CUX1: variants seen among roughly 807,000 people sequenced by gnomAD.
CUX1 encodes protein CASP.
A neutral mutation model predicts 158.8 loss-of-function variants in CUX1; 31 were observed. The observed-to-expected ratio is 0.20, with a 90% CI of 0.15 to 0.26. The LOEUF (loss-of-function observed/expected upper bound fraction) is 0.26, where lower values mean the gene tolerates loss of function less well. Ranked by LOEUF, CUX1 falls within the 10% of genes least tolerant of loss-of-function variation. The probability of loss-of-function intolerance (pLI) is 1.00; values close to 1 mark genes in which losing one functional copy is unlikely to be tolerated. For missense variants in CUX1, 1,589 were observed against 2,014.6 expected, an observed-to-expected ratio of 0.79 and a Z score of 4.04; for synonymous variants, 879 against 862.1, an observed-to-expected ratio of 1.02 and a Z score of -0.34.
In CUX1 at chr7:102,277,939, C is replaced by T. The variant is rs1586531608; in HGVS notation, c.1564-10C>T. The T allele has an allele frequency of 5.3e-6, 7 of 1,319,052 alleles. 1 individual carries two copies. The South Asian group carries it at 5.6e-5, about 10-fold the overall frequency. The allele number at this position is 1,319,052 out of a possible 1,614,324, so 81.7% of individuals were successfully genotyped here. A position where few individuals can be genotyped will look rare whatever the true frequency, so the allele number is the denominator to read the frequency against. On this transcript the variant is annotated splice_polypyrimidine_tract_variant and intron_variant, in intron 17 of 22. Coordinates refer to the CUX1 transcript ENST00000292538. ...CTCCCCCACCCCTTTCCTTGCCCCT[C>T]CCCCCCCAGGAGAACCGCCTGGCCC...
chr7:102,266,693 A>G (rs993545715), intron 14 of CUX1, among the ~76,000 whole-genome samples: 5 of 152,048 alleles, frequency 3.3e-5, no homozygotes, highest in Non-Finnish European at 7.3e-5. Context: ...CCGGGGAAGG[A>G]GGCCCAGGAG....
intron 1 of CUX1, among the ~76,000 whole-genome samples, chr7:101,843,973 A>C (rs1285302981): frequency 2.0e-5 from 3 of 152,222 alleles, no homozygotes; most frequent in Non-Finnish European, 4.4e-5. Flanking sequence ...TCACACACTT[A>C]GTCTGAGTTC....
intron 1 of CUX1, among the ~76,000 whole-genome samples, chr7:101,851,380 A>T (rs1456042268): frequency 6.7e-6 from 1 of 148,444 alleles, no homozygotes; most frequent in African/African-American, 2.5e-5. Flanking sequence ...ATTCCTCATC[A>T]TCTCGGGGGC....
chr7:102,103,147 C>T (rs1296274692), intron 5 of CUX1, among the ~76,000 whole-genome samples: 1 of 152,122 alleles, frequency 6.6e-6, no homozygotes, highest in Non-Finnish European at 1.5e-5. Flanking sequence ...TTGGTGCTCA[C>T]ACCTCACTCT....
At chr7:102,236,763 G>A (rs1688061369) in intron 22 of CUX1, among the ~76,000 whole-genome samples, 1 of 152,162 alleles carries the variant, frequency 6.6e-6, no homozygotes, top group Non-Finnish European at 1.5e-5. Flanking sequence ...CCAACTCCCT[G>A]CTGTGTTTCT....
At chr7:102,058,261 C>T (rs746423687) in intron 3 of CUX1, among the ~76,000 whole-genome samples, 18 of 152,004 alleles carry the variant, frequency 1.2e-4, no homozygotes, top group Non-Finnish European at 2.5e-4. Context: ...GCAATATTTG[C>T]TCTTTTTGTC....
chr7:102,263,752 G>C (rs1227737975), intron 14 of CUX1, among the ~76,000 whole-genome samples: 1 of 151,356 alleles, frequency 6.6e-6, no homozygotes, highest in African/African-American at 2.4e-5. Context: ...GAGTGCAGTG[G>C]TGCGATCTCA....
In CUX1 at chr7:102,115,550, C is replaced by T. The variant is rs183843493; in HGVS notation, c.674+277C>T. The T allele has an allele frequency of 7.2e-5, 24 of 334,692 alleles. No homozygotes were observed. In the East Asian group the frequency reaches 1.2e-3, roughly 17 times the overall value. 20.7% of individuals were successfully genotyped at this position (334,692 alleles called of 1,614,324 possible). On this transcript the variant is annotated intron_variant, in intron 8 of 23. Transcript: ENST00000292535. ...TTTATATAAGATGTGACACATGGGA[C>T]ATTTTTTGTGTGGAGTTGAGTCTGG...
chr7:101,924,147 A>G (rs1805309262), intron 2 of CUX1, among the ~76,000 whole-genome samples: 1 of 151,946 alleles, frequency 6.6e-6, no homozygotes, highest in African/African-American at 2.4e-5. Flanking sequence ...ACCTGATGCT[A>G]TCTCTGCCAT....
chr7:101,895,571 C>T (rs766363005), intron 1 of CUX1, among the ~76,000 whole-genome samples: 5 of 152,136 alleles, frequency 3.3e-5, no homozygotes, highest in African/African-American at 7.2e-5. Context: ...TAAGCTTTGC[C>T]GGTGTCTGTC....
chr7:102,248,726 C>A lies in CUX1; in HGVS notation c.4202C>A (p.Pro1401His). The A allele has an allele frequency of 8.9e-7, 1 of 1,124,952 alleles. No homozygotes were observed. The highest frequency in any genetic ancestry group is 1.1e-6 in the Non-Finnish European group (1 of 918,410). 69.7% of individuals were successfully genotyped at this position (1,124,952 alleles called of 1,614,324 possible). A position where few individuals can be genotyped will look rare whatever the true frequency, so the allele number is the denominator to read the frequency against. The change falls in exon 24 of 24, where the codon CCC (proline) becomes CAC (histidine). Residue 1401 changes from proline (P) to histidine (H), a missense_variant. By Grantham distance (77) the Pro-to-His change is moderately conservative. This residue lies in a region of CUX1 where 344 missense variants were observed against 323.7 expected (regional missense o/e 1.06). Coordinates refer to ENST00000292535, the MANE Select transcript of CUX1 (RefSeq NM_181552.4). This position sits in a 1 kb window ranked among gnomAD's most constrained non-coding sequence, Gnocchi z 5.8. ...GGAGGCCCCGTGGAAGGCCCGGGGC[C>A]CCTGCCCAGCCCCGCCTCCGCGACC... Reference protein sequence around the residue: ...HEGGPVEGPGPLPSPASATAT... With the variant: ...HEGGPVEGPGHLPSPASATAT...
chr7:101,926,370 A>G (rs1229691430), intron 2 of CUX1, among the ~76,000 whole-genome samples: 1 of 152,086 alleles, frequency 6.6e-6, no homozygotes, highest in African/African-American at 2.4e-5. Context: ...CCAGTAATGA[A>G]GGCAATTTGA....
At chr7:102,181,881 C>A (rs1174916006) in intron 11 of CUX1, among the ~76,000 whole-genome samples, 1 of 152,036 alleles carries the variant, frequency 6.6e-6, no homozygotes, top group Non-Finnish European at 1.5e-5. Flanking sequence ...TCAAATATAA[C>A]CTAAAGGAAT....
At chr7:102,026,145 C>G (rs1819997737) in intron 2 of CUX1, among the ~76,000 whole-genome samples, 1 of 152,066 alleles carries the variant, frequency 6.6e-6, no homozygotes, top group African/African-American at 2.4e-5. Flanking sequence ...CACCACTACA[C>G]TCTAACCTGG....
At chr7:101,969,361 A>AAAAAAAAAAAAAAAAAAAAAAAAC (rs1811652863) in intron 2 of CUX1, among the ~76,000 whole-genome samples, 1 of 19,864 alleles carries the variant, frequency 5.0e-5, no homozygotes, top group African/African-American at 2.9e-4. Context: ...AAAAACAGCA[A>AAAAAAAAAAAAAAAAAAAAAAAAC]AAAAAAAAAA....
Position 102,248,821 on chromosome 7 carries a change from G to C in CUX1, c.4297G>C (p.Ala1433Pro), listed in dbSNP as rs782343257. Residue 1433 changes from alanine (A) to proline (P), a missense_variant, in exon 24 of 24, where the codon GCG (alanine) becomes CCG (proline). Coordinates refer to ENST00000292535, the MANE Select transcript of CUX1 (RefSeq NM_181552.4). This position sits in a 1 kb window ranked among gnomAD's most constrained non-coding sequence, Gnocchi z 5.8. ...CGCCGCCGCGCCGGGGGAGGGCCCC[G>C]CGGCCCCGAGCTCCGCGCCGCCGCC... is the stretch of plus-strand genomic sequence containing the variant. ...SAAAAPGEGPAAPSSAPPPSN... is the reference protein window; with the variant it reads ...SAAAAPGEGPPAPSSAPPPSN... 2 of 1,146,104 alleles carry C rather than the reference G, an allele frequency of 1.7e-6. No individual in the cohort carries two copies. The highest frequency in any genetic ancestry group is 2.1e-6 in the Non-Finnish European group (2 of 931,654). The allele number at this position is 1,146,104 out of a possible 1,614,324, so 71.0% of individuals were successfully genotyped here. A position where few individuals can be genotyped will look rare whatever the true frequency, so the allele number is the denominator to read the frequency against.
intron 1 of CUX1, among the ~76,000 whole-genome samples, chr7:101,821,679 T>C (rs1369821942): frequency 2.6e-4 from 27 of 104,088 alleles, no homozygotes; most frequent in African/African-American, 8.1e-4. Flanking sequence ...TTCTTTTTTT[T>C]TTTTTTTTTT....
At chr7:101,963,348 C>T (rs971748891) in intron 2 of CUX1, among the ~76,000 whole-genome samples, 4 of 152,198 alleles carry the variant, frequency 2.6e-5, no homozygotes, top group African/African-American at 9.6e-5. Flanking sequence ...ATTCCATGCG[C>T]GACCACGGTG....
intron 2 of CUX1, among the ~76,000 whole-genome samples, chr7:101,949,312 C>T (rs1464053970): frequency 6.6e-6 from 1 of 151,428 alleles, no homozygotes; most frequent in Non-Finnish European, 1.5e-5. Context: ...TTTGTATTTT[C>T]AGTAGAGACG....
Sources: gnomAD v4.1 joint callset for allele counts (sites outside exome capture counted in the v4.1 genomes callset) on GRCh38, gnomAD v4.1.1 for gene constraint, gnomAD v4.1.1 regional missense constraint, Gnocchi (gnomAD v3.1) non-coding constraint, MANE v1.5 for transcripts, NCBI Gene and HGNC (gene_info 2026-07-23, HGNC 2026-07-21) for gene names.